ULK4: variants seen among roughly 807,000 people sequenced by gnomAD.
ULK4 encodes inactive serine/threonine-protein kinase ULK4.
Under a neutral mutation model 160.6 loss-of-function variants are expected in ULK4, and 133 were observed. That is an observed-to-expected ratio of 0.83 (90% CI 0.72 to 0.96). ULK4 has a LOEUF of 0.96. Among genes scored for constraint, ULK4 ranks in the 40% least tolerant of loss-of-function variants. The pLI, the probability that ULK4 is intolerant of heterozygous loss-of-function variation, is 0.00. For missense variants in ULK4, 1,580 were observed against 1,499.5 expected (o/e 1.05, Z -0.89); for synonymous variants, 534 against 539.8 (o/e 0.99, Z 0.15).
At chr3:41,595,580 G>A (rs1282332292) in intron 31 of ULK4, among the ~76,000 whole-genome samples, 1 of 152,212 alleles carries the variant, frequency 6.6e-6, no homozygotes, top group Admixed American at 6.5e-5. Flanking sequence ...TGCAGCTTGA[G>A]GAGTCAGCAA....
At chr3:41,659,694 T>TA (rs2035076010) in intron 30 of ULK4, among the ~76,000 whole-genome samples, 1 of 151,830 alleles carries the variant, frequency 6.6e-6, no homozygotes, top group Non-Finnish European at 1.5e-5. Flanking sequence ...AAGTTCAGTG[T>TA]ATTTCTCCTT....
At chr3:41,890,251 A>G (rs1016499256) in intron 16 of ULK4, among the ~76,000 whole-genome samples, 5 of 152,218 alleles carry the variant, frequency 3.3e-5, no homozygotes, top group Admixed American at 2.6e-4. Flanking sequence ...AATAAACAAG[A>G]GAAAGTGAGA....
chr3:41,654,189 GGAC>G (rs1376225570), intron 30 of ULK4, among the ~76,000 whole-genome samples: 1 of 152,122 alleles, frequency 6.6e-6, no homozygotes, highest in African/African-American at 2.4e-5. Context: ...TCTATTGCAA[GGAC>G]AACATGTATC....
rs1285400949 is a variant in ULK4, at chr3:41,800,403, G to A, written c.1849-110C>T. 5 of 1,016,986 alleles carry A rather than the reference G, an allele frequency of 4.9e-6. No individual in the cohort carries two copies. The African/African-American group carries it at 8.3e-5, about 17-fold the overall frequency. 63.0% of individuals were successfully genotyped at this position (1,016,986 alleles called of 1,614,324 possible). A position where few individuals can be genotyped will look rare whatever the true frequency, so the allele number is the denominator to read the frequency against. ...ATACCAAGACAGTAACATGCCTCTG[G>A]ATGTGTTAGGCAACTTGGGAGGAAT... is the stretch of plus-strand genomic sequence containing the variant. On this transcript the variant is annotated intron_variant, in intron 19 of 36. Transcript: ENST00000301831.
intron 34 of ULK4, among the ~76,000 whole-genome samples, chr3:41,448,803 C>T (rs12054016): frequency 0.21 from 31,828 of 152,122 alleles, 3,880 homozygotes; most frequent in East Asian, 0.57. Flanking sequence ...AGAATGATGT[C>T]CACGTTCTTG....
rs1213176341 is a variant in ULK4, at chr3:41,543,267, A to G, written c.3226+22758T>C. The stretch of plus-strand genomic sequence containing the variant: ...AGCAGATGATTTGTGTCCTCAGTTC[A>G]CATGTCATCAAGATTGAAAGGAACA... On this transcript the variant is annotated intron_variant, in intron 32 of 36. Transcript: ENST00000301831. 3.3e-5 allele frequency among the ~76,000 whole-genome samples: 5 copies of G among 152,232 alleles called. No individual in the cohort carries two copies. The East Asian group carries it at 9.6e-4, about 29-fold the overall frequency.
chr3:41,915,915 C>T (rs2148808544), intron 8 of ULK4, 62 bp downstream of exon 8: 1 of 1,108,202 alleles, frequency 9.0e-7, no homozygotes, highest in South Asian at 1.4e-5. Context: ...TAAAATACTG[C>T]CCCTTACTCC....
intron 19 of ULK4, among the ~76,000 whole-genome samples, chr3:41,817,952 A>C (rs1227465292): frequency 2.6e-5 from 4 of 152,138 alleles, no homozygotes; most frequent in Non-Finnish European, 4.4e-5. Flanking sequence ...GGGAAATGCA[A>C]ATCAAAACCG....
chr3:41,496,323 C>T (rs540348653), intron 32 of ULK4, among the ~76,000 whole-genome samples: 1 of 152,148 alleles, frequency 6.6e-6, no homozygotes, highest in Non-Finnish European at 1.5e-5. Context: ...CTATCATAAA[C>T]ATTAAGCCTA....
intron 18 of ULK4, among the ~76,000 whole-genome samples, chr3:41,825,346 A>C (rs1158757685): frequency 1.3e-5 from 2 of 152,252 alleles, no homozygotes; most frequent in East Asian, 3.8e-4. Flanking sequence ...AGAAGGCTTC[A>C]GATGATCAAA....
intron 31 of ULK4, among the ~76,000 whole-genome samples, chr3:41,569,671 CTATT>C (rs1553613619): frequency 1.3e-5 from 2 of 152,146 alleles, no homozygotes; most frequent in Non-Finnish European, 2.9e-5. Context: ...TCCCTGGCCC[CTATT>C]TATATTGCCT....
intron 35 of ULK4, among the ~76,000 whole-genome samples, chr3:41,317,813 C>T (rs1159013064): frequency 6.6e-6 from 1 of 152,214 alleles, no homozygotes; most frequent in African/African-American, 2.4e-5. Context: ...ATCCAAACCA[C>T]AGACTGAGGC....
At chr3:41,689,338 G>T (rs1211742837) in intron 27 of ULK4, among the ~76,000 whole-genome samples, 1 of 152,156 alleles carries the variant, frequency 6.6e-6, no homozygotes, top group African/African-American at 2.4e-5. Flanking sequence ...ACAAATTCTT[G>T]GTATGTATAC....
chr3:41,840,917 C>A (rs1241640084), intron 17 of ULK4, among the ~76,000 whole-genome samples: 1 of 149,388 alleles, frequency 6.7e-6, no homozygotes, highest in East Asian at 2.0e-4. Context: ...ACCACCCTGT[C>A]TGGGATGTGA....
At chr3:41,703,834 G>GCACACACACACA (rs35693704) in intron 27 of ULK4, among the ~76,000 whole-genome samples, 5 of 129,260 alleles carry the variant, frequency 3.9e-5, no homozygotes, top group African/African-American at 1.8e-4. Context: ...TAATGCGCAT[G>GCACACACACACA]CACACACACA....
intron 34 of ULK4, among the ~76,000 whole-genome samples, chr3:41,440,770 G>A (rs1197560531): frequency 6.6e-6 from 1 of 151,998 alleles, no homozygotes; most frequent in Non-Finnish European, 1.5e-5. Flanking sequence ...AAGCTATCTG[G>A]CACTGGAGGC....
At chr3:41,820,759 T>A (rs190641127) in intron 18 of ULK4, among the ~76,000 whole-genome samples, 1 of 152,116 alleles carries the variant, frequency 6.6e-6, no homozygotes, top group Non-Finnish European at 1.5e-5. Context: ...AACCTACACA[T>A]GTACACCCTG....
At position 41,376,101 on chromosome 3, in the gene ULK4, T is replaced by G. The variant is rs960480437; in HGVS notation, c.3678+21978A>C. Among the ~76,000 whole-genome samples the G allele has an allele frequency of 4.0e-5, 6 of 150,368 alleles. 1 individual carries two copies. Among genetic ancestry groups the G allele is most frequent in the Non-Finnish European group, 5.9e-5 (4 of 68,014 alleles). ...CAATGAGATACCATCTCAAGCCAGT[T>G]AGAATGGCAATCATTAAAAAGTCAG... On this transcript the variant is annotated intron_variant, in intron 35 of 36. Transcript: ENST00000301831.
chr3:41,550,061 A>G (rs1311564797), intron 32 of ULK4, among the ~76,000 whole-genome samples: 1 of 152,166 alleles, frequency 6.6e-6, no homozygotes, highest in Non-Finnish European at 1.5e-5. Context: ...AAATGCTTAA[A>G]GGAATCCTAC....
Sources: gnomAD v4.1 joint callset for allele counts (sites outside exome capture counted in the v4.1 genomes callset) on GRCh38, gnomAD v4.1.1 for gene constraint, MANE v1.5 for transcripts, NCBI Gene and HGNC (gene_info 2026-07-23, HGNC 2026-07-21) for gene names.